The following TBC1D1 variants were observed in gnomAD, a reference collection of about 807,000 sequenced individuals.
The protein encoded by TBC1D1 is TBC1 (tre-2/USP6, BUB2, cdc16) domain family, member 1.
TBC1D1 carries 89 observed loss-of-function variants against 125.6 expected under a neutral mutation model. The ratio of observed to expected loss-of-function variants is 0.71; its 90% CI spans 0.60 to 0.85. The LOEUF is 0.85. Among genes scored for constraint, TBC1D1 ranks in the 40% least tolerant of loss-of-function variants. TBC1D1 has a pLI of 0.00. For missense variants in TBC1D1, 1,377 were observed against 1,469.2 expected, an observed-to-expected ratio of 0.94 and a Z score of 1.03; for synonymous variants, 565 against 564.1, an observed-to-expected ratio of 1.00 and a Z score of -0.02.
intron 2 of TBC1D1, among the ~76,000 whole-genome samples, chr4:37,928,059 G>A (rs567123090): frequency 2.5e-4 from 38 of 152,262 alleles, no homozygotes; most frequent in African/African-American, 7.7e-4. Flanking sequence ...GAAAAGCACC[G>A]AATCTCTCTG....
intron 1 of TBC1D1, among the ~76,000 whole-genome samples, chr4:37,898,929 A>G (rs1715230233): frequency 6.6e-6 from 1 of 152,190 alleles, no homozygotes; most frequent in African/African-American, 2.4e-5. Context: ...AGGTGCACCA[A>G]GGAGGGCATT....
intron 13 of TBC1D1, 89 bp downstream of exon 15, chr4:38,090,206 A>G: frequency 7.8e-7 from 1 of 1,275,850 alleles, no homozygotes; most frequent in Non-Finnish European, 1.1e-6. Flanking sequence ...TGTCTTAAAA[A>G]TACAGCAGCA....
At chr4:38,066,596 A>G (rs977201391) in intron 12 of TBC1D1, among the ~76,000 whole-genome samples, 22 of 152,174 alleles carry the variant, frequency 1.4e-4, no homozygotes, top group African/African-American at 2.4e-4. Flanking sequence ...GACTCCCAAC[A>G]TGCTGGGATT....
rs745835231 is a variant in TBC1D1 at position 38,115,838 on chromosome 4, G to A, written c.2686G>A (p.Val896Ile). Reference sequence around the variant, plus strand: ...GGGATATTGCCAAGGTCTCAGCTTTGTAGCAGGCATTTTGCTTCTTCATAT... The same window carrying A: ...GGGATATTGCCAAGGTCTCAGCTTTATAGCAGGCATTTTGCTTCTTCATAT... The change falls in exon 16 of 20, where the codon GTA becomes ATA. Residue 896 changes from valine (V) to isoleucine (I), a missense_variant. By Grantham distance (29) the Val-to-Ile change is conservative. Transcript: ENST00000261439. 4 of 1,614,152 alleles carry A rather than the reference G, an allele frequency of 2.5e-6. No individual in the cohort carries two copies. The highest frequency in any genetic ancestry group is 2.5e-6 in the Non-Finnish European group (3 of 1,180,032).
intron 2 of TBC1D1, among the ~76,000 whole-genome samples, chr4:38,012,955 A>G (rs1420731801): frequency 2.0e-5 from 3 of 152,130 alleles, no homozygotes; most frequent in East Asian, 1.9e-4. Flanking sequence ...CACCACGCCC[A>G]GCTAATTTTT....
chr4:37,957,489 C>T (rs1038325939), intron 2 of TBC1D1, among the ~76,000 whole-genome samples: 2 of 152,100 alleles, frequency 1.3e-5, no homozygotes, highest in Non-Finnish European at 2.9e-5. Context: ...CATGGGGGTG[C>T]GTGCCTGTAG....
At chr4:38,052,150 T>C (rs1750680163) in intron 11 of TBC1D1, 90 bp downstream of exon 12, 1 of 1,341,540 alleles carries the variant, frequency 7.5e-7, no homozygotes, top group Non-Finnish European at 1.0e-6. Context: ...GGAATGTCCA[T>C]GCAGGAAGCA....
rs973392482 is a variant in TBC1D1, at chr4:37,922,969, A to T, written c.417+20457A>T. On this transcript the variant is annotated intron_variant, in intron 2 of 19. Coordinates refer to ENST00000261439, the MANE Select transcript of TBC1D1 (RefSeq NM_015173.4). The stretch of plus-strand genomic sequence containing the variant: ...GCAAAGTTCTCTCTCTTTTTTTTTT[A>T]ATTATACTTTAAGTTCTTGGATACA... Among the ~76,000 whole-genome samples, 8 of 151,430 alleles carry T rather than the reference A, an allele frequency of 5.3e-5. 1 individual carries two copies. Among genetic ancestry groups the T allele is most frequent in the African/African-American group, 1.9e-4 (8 of 41,314 alleles).
chr4:38,081,879 A>C (rs1756626778), intron 12 of TBC1D1, among the ~76,000 whole-genome samples: 1 of 152,080 alleles, frequency 6.6e-6, no homozygotes, highest in Non-Finnish European at 1.5e-5. Flanking sequence ...TTTTGTGTCC[A>C]TTACCCCAAG....
chr4:37,933,872 G>GA (rs937330232), intron 2 of TBC1D1, among the ~76,000 whole-genome samples: 5 of 151,730 alleles, frequency 3.3e-5, no homozygotes, highest in Admixed American at 6.6e-5. Context: ...TTAATTTGGG[G>GA]AAAAAAAAGG....
intron 2 of TBC1D1, among the ~76,000 whole-genome samples, chr4:37,954,394 A>C (rs1040337489): frequency 5.5e-5 from 2 of 36,282 alleles, no homozygotes; most frequent in African/African-American, 2.5e-4. Context: ...ATTCAGTAAA[A>C]AAAAAAAAAA....
chr4:38,066,920 G>A (rs754824163), intron 12 of TBC1D1, among the ~76,000 whole-genome samples: 6 of 151,772 alleles, frequency 4.0e-5, no homozygotes, highest in African/African-American at 7.3e-5. Flanking sequence ...CTCTGTCGCC[G>A]GGCTGGAGTG....
At chr4:38,123,496 G>A (rs560207287) in intron 17 of TBC1D1, among the ~76,000 whole-genome samples, 2 of 152,120 alleles carry the variant, frequency 1.3e-5, no homozygotes, top group East Asian at 1.9e-4. Flanking sequence ...TCTTCAATTG[G>A]CCTGCCTTGG....
intron 12 of TBC1D1, among the ~76,000 whole-genome samples, chr4:38,055,421 G>A (rs1290420485): frequency 2.0e-5 from 3 of 152,210 alleles, no homozygotes; most frequent in Non-Finnish European, 4.4e-5. Flanking sequence ...TAGAGACAAG[G>A]CAGCATGATA....
At chr4:37,907,390 T>C (rs1717565668) in intron 2 of TBC1D1, among the ~76,000 whole-genome samples, 1 of 152,232 alleles carries the variant, frequency 6.6e-6, no homozygotes, top group Non-Finnish European at 1.5e-5. Flanking sequence ...CTAGCAGTTT[T>C]TTTTTCTTTG....
intron 7 of TBC1D1, among the ~76,000 whole-genome samples, chr4:38,031,051 T>C (rs1746028490): frequency 6.6e-6 from 1 of 152,252 alleles, no homozygotes; most frequent in African/African-American, 2.4e-5. Flanking sequence ...TGAGCGTTTT[T>C]GAAATGTTTC....
chr4:37,918,997 T>C (rs1341258169), intron 2 of TBC1D1, among the ~76,000 whole-genome samples: 1 of 151,824 alleles, frequency 6.6e-6, no homozygotes, highest in Admixed American at 6.6e-5. Flanking sequence ...GATGTTCTAC[T>C]CCTTATAATA....
chr4:37,943,003 C>T (rs1725904403), intron 2 of TBC1D1, among the ~76,000 whole-genome samples: 1 of 152,112 alleles, frequency 6.6e-6, no homozygotes, highest in South Asian at 2.1e-4. Flanking sequence ...TTAGTGCTTC[C>T]CTCAGGAGCT....
chr4:38,007,853 C>T (rs948399934), intron 2 of TBC1D1, among the ~76,000 whole-genome samples: 6 of 152,150 alleles, frequency 3.9e-5, no homozygotes, highest in African/African-American at 7.2e-5. Context: ...GGGTGGCATG[C>T]GGAGGAGGCC....
Sources: allele counts gnomAD v4.1 joint callset (sites outside exome capture counted in the v4.1 genomes callset), GRCh38; gene constraint gnomAD v4.1.1; transcripts MANE v1.5; gene names NCBI Gene and HGNC (gene_info 2026-07-23, HGNC 2026-07-21).